The following FGGY variants were observed in gnomAD, a reference collection of about 807,000 sequenced individuals.
The protein encoded by FGGY is FGGY carbohydrate kinase domain containing.
Under a neutral mutation model 71.3 loss-of-function variants are expected in FGGY, and 72 were observed. The ratio of observed to expected loss-of-function variants is 1.01; its 90% CI spans 0.84 to 1.23. FGGY has a LOEUF of 1.23. Among genes scored for constraint, FGGY ranks in the 50% most tolerant of loss-of-function variants. The probability of loss-of-function intolerance (pLI) is 0.00; values close to 1 mark genes in which losing one functional copy is unlikely to be tolerated. For missense variants in FGGY, 668 were observed against 682.3 expected (o/e 0.98, Z 0.23); for synonymous variants, 251 against 250.3 (o/e 1.00, Z -0.02).
intron 5 of FGGY, among the ~76,000 whole-genome samples, chr1:59,452,661 G>T (rs1269809835): frequency 6.6e-6 from 1 of 152,166 alleles, no homozygotes; most frequent in Non-Finnish European, 1.5e-5. Flanking sequence ...TATCTATTCT[G>T]CATTAACAAG....
chr1:59,526,292 G>A (rs2094976240), intron 7 of FGGY, among the ~76,000 whole-genome samples: 1 of 152,228 alleles, frequency 6.6e-6, no homozygotes, highest in East Asian at 1.9e-4. Context: ...GTTCAGTCTA[G>A]AATGGGGACA....
At chr1:59,532,504 G>A (rs1438657090) in intron 7 of FGGY, among the ~76,000 whole-genome samples, 3 of 152,136 alleles carry the variant, frequency 2.0e-5, no homozygotes, top group Non-Finnish European at 4.4e-5. Flanking sequence ...ACTCAAGTGA[G>A]TTATTTTAAC....
At chr1:59,691,464 G>A (rs776917723) in intron 14 of FGGY, among the ~76,000 whole-genome samples, 44 of 152,144 alleles carry the variant, frequency 2.9e-4, no homozygotes, top group Middle Eastern at 3.4e-3. Flanking sequence ...AACAGACTGC[G>A]TGTCATGGCA....
intron 6 of FGGY, among the ~76,000 whole-genome samples, chr1:59,467,023 A>G (rs917595653): frequency 6.6e-6 from 1 of 152,244 alleles, no homozygotes; most frequent in South Asian, 2.1e-4. Context: ...CGGATTATAC[A>G]TCATGCTACT....
chr1:59,475,582 GGT>G (rs1247378466), intron 6 of FGGY, among the ~76,000 whole-genome samples: 1 of 152,144 alleles, frequency 6.6e-6, no homozygotes, highest in Non-Finnish European at 1.5e-5. Context: ...CTCAGTAGAA[GGT>G]GTCACAATTC....
At chr1:59,438,539 T>C (rs1435892184) in intron 5 of FGGY, among the ~76,000 whole-genome samples, 1 of 152,182 alleles carries the variant, frequency 6.6e-6, no homozygotes, top group Admixed American at 6.5e-5. Flanking sequence ...TTCTAAACAC[T>C]CAAAGTGCCA....
intron 4 of FGGY, among the ~76,000 whole-genome samples, chr1:59,365,748 G>A (rs569469985): frequency 6.6e-6 from 1 of 152,272 alleles, no homozygotes; most frequent in East Asian, 1.9e-4. Flanking sequence ...GAATTATACA[G>A]GTCAGATGAG....
chr1:59,579,893 T>G (rs915944080), intron 8 of FGGY, among the ~76,000 whole-genome samples: 3 of 152,170 alleles, frequency 2.0e-5, no homozygotes, highest in Non-Finnish European at 2.9e-5. Flanking sequence ...TCCTCTTACT[T>G]TTCAGCTCTC....
chr1:59,348,764 CT>C (rs1310319895), intron 4 of FGGY, among the ~76,000 whole-genome samples: 1 of 152,136 alleles, frequency 6.6e-6, no homozygotes, highest in Non-Finnish European at 1.5e-5. Flanking sequence ...GGCTTTTTAG[CT>C]ATTTTATATA....
Position 59,618,016 on chromosome 1 carries a change from C to T in FGGY, c.1012-7972C>T, listed in dbSNP as rs140366625. 1.9e-3 allele frequency among the ~76,000 whole-genome samples: 285 copies of T among 152,168 alleles called. 2 individuals are homozygous for T. Among genetic ancestry groups the T allele is most frequent in the African/African-American group, 6.7e-3 (278 of 41,520 alleles). ...GACTTGCAGTGTGCACAGTGTAGTA[C>T]AGATTATGGAGATAATGATTTCATG... On this transcript the variant is annotated intron_variant, in intron 9 of 15. Coordinates refer to ENST00000303721, the MANE Select transcript of FGGY (RefSeq NM_018291.5).
At position 59,315,271 on chromosome 1, in the gene FGGY, C is replaced by CT. The variant is rs34866411; in HGVS notation, c.-14-6255dup. 4.6e-4 allele frequency among the ~76,000 whole-genome samples: 69 copies of CT among 149,946 alleles called. 1 individual carries two copies. The East Asian group carries it at 6.1e-3, about 13-fold the overall frequency. ...ATTTGTTAGCCAAGGTATATGTCTG[C>CT]TTTTTTTTTTCCTTCTCCCCTCCTC... On this transcript the variant is annotated intron_variant, in intron 1 of 15. Transcript: ENST00000303721.
chr1:59,469,949 A>G (rs1275331867), intron 6 of FGGY, among the ~76,000 whole-genome samples: 5 of 152,214 alleles, frequency 3.3e-5, no homozygotes, highest in African/African-American at 9.6e-5. Context: ...TTATGGCTGC[A>G]TAATAGTCCA....
At chr1:59,610,071 C>G (rs2096659786) in intron 9 of FGGY, among the ~76,000 whole-genome samples, 1 of 152,190 alleles carries the variant, frequency 6.6e-6, no homozygotes, top group African/African-American at 2.4e-5. Flanking sequence ...ACTTAGTCAA[C>G]TTATTTTATT....
At chr1:59,548,275 G>A (rs960650835) in intron 7 of FGGY, among the ~76,000 whole-genome samples, 10 of 152,152 alleles carry the variant, frequency 6.6e-5, no homozygotes, top group Non-Finnish European at 7.3e-5. Context: ...AATGCTTAGT[G>A]GCAAGGACCA....
At chr1:59,618,985 AT>A (rs1409220099) in intron 9 of FGGY, among the ~76,000 whole-genome samples, 1 of 151,900 alleles carries the variant, frequency 6.6e-6, no homozygotes. Context: ...GCTTTTGCTT[AT>A]TTTTTGTATA....
chr1:59,457,305 A>G (rs2091800261), intron 6 of FGGY, among the ~76,000 whole-genome samples: 1 of 152,148 alleles, frequency 6.6e-6, no homozygotes, highest in South Asian at 2.1e-4. Context: ...GAAAATCTGC[A>G]TTGAAATATA....
At chr1:59,397,972 C>A (rs544908261) in intron 5 of FGGY, among the ~76,000 whole-genome samples, 8 of 152,128 alleles carry the variant, frequency 5.3e-5, no homozygotes, top group South Asian at 2.1e-4. Context: ...CCATCCAGAT[C>A]AAGAACTTGA....
At chr1:59,759,555 AGAGAGTCCTCCGCT>A (rs2098324733) in intron 15 of FGGY, among the ~76,000 whole-genome samples, 1 of 152,230 alleles carries the variant, frequency 6.6e-6, no homozygotes, top group Admixed American at 6.5e-5. Flanking sequence ...CCACGTGTTC[AGAGAGTCCTCCGCT>A]GCTTGCTGGG....
At chr1:59,619,758 T>C (rs2096790500) in intron 9 of FGGY, among the ~76,000 whole-genome samples, 1 of 152,000 alleles carries the variant, frequency 6.6e-6, no homozygotes, top group Non-Finnish European at 1.5e-5. Flanking sequence ...TGATGTGATA[T>C]GACAGGTTTT....
Sources: gnomAD v4.1 joint callset for allele counts (sites outside exome capture counted in the v4.1 genomes callset) on GRCh38, gnomAD v4.1.1 for gene constraint, MANE v1.5 for transcripts, NCBI Gene and HGNC (gene_info 2026-07-23, HGNC 2026-07-21) for gene names.